The following TCERG1L variants were observed in gnomAD, a reference collection of about 807,000 sequenced individuals.
TCERG1L encodes transcription elongation regulator 1-like protein.
TCERG1L carries 37 observed loss-of-function variants against 56.3 expected under a neutral mutation model. The ratio of observed to expected loss-of-function variants is 0.66; its 90% CI spans 0.51 to 0.87. The LOEUF (loss-of-function observed/expected upper bound fraction) is 0.87, where lower values mean the gene tolerates loss of function less well. TCERG1L is among the 40% of genes least tolerant of loss of function. The probability of loss-of-function intolerance (pLI) is 0.00; values close to 1 mark genes in which losing one functional copy is unlikely to be tolerated. For missense variants in TCERG1L, 799 were observed against 774.2 expected (o/e 1.03, Z -0.38); for synonymous variants, 324 against 326.3 (o/e 0.99, Z 0.08).
At chr10:131,249,919 G>C (rs1488888732) in intron 4 of TCERG1L, among the ~76,000 whole-genome samples, 1 of 152,180 alleles carries the variant, frequency 6.6e-6, no homozygotes, top group Non-Finnish European at 1.5e-5. Context: ...TTCAAACACT[G>C]TCTCCTCCCA....
At chr10:131,153,609 C>T (rs1189387498) in intron 6 of TCERG1L, among the ~76,000 whole-genome samples, 1 of 152,134 alleles carries the variant, frequency 6.6e-6, no homozygotes, top group Admixed American at 6.5e-5. Context: ...CCAAATTTTC[C>T]CCAGATCCTA....
chr10:131,241,856 G>A (rs369772679), intron 4 of TCERG1L, among the ~76,000 whole-genome samples: 5 of 151,684 alleles, frequency 3.3e-5, no homozygotes, highest in East Asian at 1.9e-4. Flanking sequence ...CTGAACATCC[G>A]AGATAAAACG....
At chr10:131,204,395 C>T (rs962545863) in intron 4 of TCERG1L, among the ~76,000 whole-genome samples, 1 of 152,190 alleles carries the variant, frequency 6.6e-6, no homozygotes, top group African/African-American at 2.4e-5. Flanking sequence ...AAACTGGCAC[C>T]TGCCCCCCCA....
At position 131,260,877 on chromosome 10, in the gene TCERG1L, G is replaced by GT. The variant is rs1846231425; in HGVS notation, c.671-434_671-433insA. Among the ~76,000 whole-genome samples, 1 of 152,180 alleles carries GT rather than the reference G, an allele frequency of 6.6e-6. No homozygotes were observed. Among genetic ancestry groups the GT allele is most frequent in the East Asian group, 1.9e-4 (1 of 5,184 alleles). ...AAAGTGGGGGTGGTTTGGAAGAAGG[G>GT]GCAGCTGTGGGCCAGGGTGGAGAGA... is the stretch of plus-strand genomic sequence containing the variant. On this transcript the variant is annotated intron_variant, in intron 3 of 11. Coordinates refer to ENST00000368642, the MANE Select transcript of TCERG1L (RefSeq NM_174937.4). The surrounding 1 kb of genome is among the most constrained non-coding windows in gnomAD (Gnocchi z 5.8).
rs74160873 is a variant in TCERG1L, at chr10:131,218,276, T to G, written c.856+41983A>C. 9.2e-3 allele frequency among the ~76,000 whole-genome samples: 1,406 copies of G among 152,312 alleles called. 21 individuals carry two copies. Among genetic ancestry groups the G allele is most frequent in the African/African-American group, 0.032 (1,323 of 41,566 alleles). On this transcript the variant is annotated intron_variant, in intron 4 of 11. Transcript: ENST00000368642. Reference sequence around the variant, plus strand: ...AGCACCAATACATCTAACCGATACGTGCATGACATGGATAGAAATGCTGTT... The same window carrying G: ...AGCACCAATACATCTAACCGATACGGGCATGACATGGATAGAAATGCTGTT...
chr10:131,246,123 T>C lies in TCERG1L; in HGVS notation c.856+14136A>G, dbSNP rs559633130. On this transcript the variant is annotated intron_variant, in intron 4 of 11. Coordinates refer to ENST00000368642, the MANE Select transcript of TCERG1L (RefSeq NM_174937.4). Reference sequence around the variant, plus strand: ...CCTCCTGGCTACAGGGCCCATCCCCTGGCTGGAGGGGGGATTGCACCTCAG... The same window carrying C: ...CCTCCTGGCTACAGGGCCCATCCCCCGGCTGGAGGGGGGATTGCACCTCAG... Among the ~76,000 whole-genome samples the C allele has an allele frequency of 2.7e-4, 41 of 152,270 alleles. No homozygotes were observed. In the South Asian group the frequency reaches 4.2e-3, roughly 15 times the overall value.
chr10:131,280,875 C>T (rs1165900275), intron 3 of TCERG1L, among the ~76,000 whole-genome samples: 4 of 152,128 alleles, frequency 2.6e-5, no homozygotes, highest in African/African-American at 7.2e-5. Flanking sequence ...GGAACCCAAG[C>T]GACTGTCCTT....
Position 131,190,311 on chromosome 10 carries a change from A to C in TCERG1L, c.857-23426T>G, listed in dbSNP as rs551256996. On this transcript the variant is annotated intron_variant, in intron 4 of 11. Transcript: ENST00000368642. ...AATTGCCACACAAAGAAAGCCCAGGACTAGATGGATTCACAGCTGCATTCT... is the reference window on the plus strand; with the variant it reads ...AATTGCCACACAAAGAAAGCCCAGGCCTAGATGGATTCACAGCTGCATTCT... Among the ~76,000 whole-genome samples, 14 of 152,306 alleles carry C rather than the reference A, an allele frequency of 9.2e-5. No homozygotes were observed. The South Asian group carries it at 2.3e-3, about 25-fold the overall frequency.
intron 9 of TCERG1L, among the ~76,000 whole-genome samples, chr10:131,110,212 AGTGGC>A (rs1845397383): frequency 6.6e-6 from 1 of 152,202 alleles, no homozygotes; most frequent in Non-Finnish European, 1.5e-5. Flanking sequence ...TTCCAGATCA[AGTGGC>A]AAGATGCAGA....
chr10:131,247,320 C>T (rs1285713259), intron 4 of TCERG1L, among the ~76,000 whole-genome samples: 1 of 152,200 alleles, frequency 6.6e-6, no homozygotes, highest in Non-Finnish European at 1.5e-5. Context: ...TCAAGTCTTA[C>T]ACATTCCCCA....
At chr10:131,122,559 C>T (rs10741241) in intron 8 of TCERG1L, among the ~76,000 whole-genome samples, 2 of 152,138 alleles carry the variant, frequency 1.3e-5, no homozygotes, top group African/African-American at 4.8e-5. Context: ...CAAATGCAGA[C>T]GGACAGAGGC....
chr10:131,283,577 T>G (rs774886166), intron 3 of TCERG1L, among the ~76,000 whole-genome samples: 1 of 152,108 alleles, frequency 6.6e-6, no homozygotes, highest in Non-Finnish European at 1.5e-5. Flanking sequence ...ATTAGAGATA[T>G]AAGAATTTTC....
At chr10:131,222,821 G>T (rs912080463) in intron 4 of TCERG1L, among the ~76,000 whole-genome samples, 2 of 152,170 alleles carry the variant, frequency 1.3e-5, no homozygotes, top group Non-Finnish European at 2.9e-5. Context: ...CTCTGGGGAG[G>T]GTCATGAGAG....
At chr10:131,203,089 C>A (rs1190732400) in intron 4 of TCERG1L, among the ~76,000 whole-genome samples, 1 of 152,168 alleles carries the variant, frequency 6.6e-6, no homozygotes, top group East Asian at 1.9e-4. Context: ...ATTCCACTTA[C>A]AAATTCAAGA....
At chr10:131,310,384 C>A (rs566008692) in intron 1 of TCERG1L, among the ~76,000 whole-genome samples, 8 of 152,196 alleles carry the variant, frequency 5.3e-5, no homozygotes, top group African/African-American at 1.7e-4. Flanking sequence ...AGTCTAAAGA[C>A]CAATTTAGCA....
Position 131,260,552 on chromosome 10 carries a change from G to A in TCERG1L, c.671-108C>T. The A allele has an allele frequency of 7.9e-7, 1 of 1,271,730 alleles. No homozygotes were observed. The highest frequency in any genetic ancestry group is 3.2e-5 in the East Asian group (1 of 31,648). The allele number at this position is 1,271,730 out of a possible 1,614,324, so 78.8% of individuals were successfully genotyped here. ...TCAGCCCCCAGAAAACAGGTGAGGG[G>A]GGCGCTACCCCTCTTTAATGGAGGC... On this transcript the variant is annotated intron_variant, in intron 3 of 11. Coordinates refer to ENST00000368642, the MANE Select transcript of TCERG1L (RefSeq NM_174937.4). The surrounding 1 kb of genome is among the most constrained non-coding windows in gnomAD (Gnocchi z 5.8).
intron 4 of TCERG1L, among the ~76,000 whole-genome samples, chr10:131,169,449 A>G (rs914735607): frequency 1.3e-5 from 2 of 152,188 alleles, no homozygotes; most frequent in Non-Finnish European, 2.9e-5. Flanking sequence ...GGCCCAAGCG[A>G]TGGGACGAGG....
chr10:131,310,324 A>C (rs1479115626), intron 1 of TCERG1L, among the ~76,000 whole-genome samples: 1 of 152,254 alleles, frequency 6.6e-6, no homozygotes, highest in African/African-American at 2.4e-5. Context: ...AATAAACTGC[A>C]TCACACATAA....
intron 9 of TCERG1L, among the ~76,000 whole-genome samples, chr10:131,114,872 C>T (rs1253330414): frequency 2.0e-5 from 3 of 152,344 alleles, no homozygotes; most frequent in East Asian, 1.9e-4. Context: ...TCAGCAAACA[C>T]GAGTCATGTC....
Sources: allele counts gnomAD v4.1 joint callset (sites outside exome capture counted in the v4.1 genomes callset), GRCh38; gene constraint gnomAD v4.1.1; non-coding constraint Gnocchi (gnomAD v3.1); transcripts MANE v1.5; gene names NCBI Gene and HGNC (gene_info 2026-07-23, HGNC 2026-07-21).